SLC38A2: variants seen among roughly 807,000 people sequenced by gnomAD.
The protein encoded by SLC38A2 is solute carrier family 38 member 2.
A neutral mutation model predicts 61.5 loss-of-function variants in SLC38A2; 11 were observed. The observed-to-expected ratio is 0.18, with a 90% CI of 0.11 to 0.30. SLC38A2 has a LOEUF of 0.30. Among genes scored for constraint, SLC38A2 ranks in the 10% least tolerant of loss-of-function variants. The probability of loss-of-function intolerance (pLI) is 1.00; values close to 1 mark genes in which losing one functional copy is unlikely to be tolerated. For missense variants in SLC38A2, 522 were observed against 600.4 expected, an observed-to-expected ratio of 0.87 and a Z score of 1.36; for synonymous variants, 217 against 212.5, an observed-to-expected ratio of 1.02 and a Z score of -0.18.
rs746716174 is a variant in SLC38A2, at chr12:46,362,294, T to G, written c.1412A>C (p.Gln471Pro). The change falls in exon 15 of 16, where the codon CAA becomes CCA. Residue 471 changes from glutamine (Q) to proline (P), a missense_variant. Transcript: ENST00000256689. ...LVKKEPMKSV[Q>P]KIGALFFLLS... ...TAATCTTTCACTCACCCCAATCTTT[T>G]GTACAGATTTCATAGGTTCTTTCTT... The G allele has an allele frequency of 1.9e-6, 3 of 1,607,654 alleles. No individual in the cohort carries two copies. In the Admixed American group the frequency reaches 5.1e-5, roughly 27 times the overall value.
rs1943147354 is a variant in SLC38A2, at chr12:46,367,157, A to G, written c.400T>C (p.Tyr134His). ...AATGCCTTATATCCCAATTGTTCAT[A>G]TAATAAAGACCCTACAATTTGAAGA... ...KTANEGGSLL[Y>H]EQLGYKAFGL... Residue 134 changes from tyrosine to histidine, a missense_variant, in exon 6 of 16, where the codon TAT (tyrosine) becomes CAT (histidine). Physicochemically the swap from Tyr to His is moderately conservative, Grantham distance 83 (BLOSUM62 2). This residue lies in a region of SLC38A2 where 111 missense variants were observed against 173.4 expected (regional missense o/e 0.64). Coordinates refer to ENST00000256689, the MANE Select transcript of SLC38A2 (RefSeq NM_018976.5). 1 of 1,613,460 alleles carries G rather than the reference A, an allele frequency of 6.2e-7. No homozygotes were observed. Among genetic ancestry groups the G allele is most frequent in the Admixed American group, 1.7e-5 (1 of 59,998 alleles).
Position 46,368,575 on chromosome 12 carries a change from C to T in SLC38A2, c.315-1235G>A, listed in dbSNP as rs79075937. On this transcript the variant is annotated intron_variant, in intron 4 of 15. Transcript: ENST00000256689. The stretch of plus-strand genomic sequence containing the variant: ...ACAGGGAAACTCATAGAAAACCTTG[C>T]AAAGGAGAAGAGTTACATGTTTTTT... Among the ~76,000 whole-genome samples, 755 of 152,218 alleles carry T rather than the reference C, an allele frequency of 5.0e-3. 9 individuals are homozygous for T. The highest frequency in any genetic ancestry group is 0.017 in the African/African-American group (725 of 41,522).
chr12:46,369,900 A>G (rs1348956892), intron 4 of SLC38A2, among the ~76,000 whole-genome samples: 1 of 152,158 alleles, frequency 6.6e-6, no homozygotes, highest in Non-Finnish European at 1.5e-5. Flanking sequence ...AGTACTTACT[A>G]AAGTATTCAT....
At chr12:46,366,216 C>T (rs1008162057) in intron 7 of SLC38A2, among the ~76,000 whole-genome samples, 3 of 152,088 alleles carry the variant, frequency 2.0e-5, no homozygotes, top group Non-Finnish European at 2.9e-5. Context: ...TGCTTGGGAC[C>T]GAAGTGTTTT....
At chr12:46,370,454 A>G in intron 4 of SLC38A2, 58 bp downstream of exon 4, 9 of 1,306,594 alleles carry the variant, frequency 6.9e-6, no homozygotes, top group South Asian at 2.4e-5. Context: ...TGGAGCCAAA[A>G]TATGTTTTAC....
chr12:46,371,028 T>C lies in SLC38A2; in HGVS notation c.116+150A>G, dbSNP rs540220209. The C allele has an allele frequency of 2.4e-5, 20 of 847,064 alleles. No homozygotes were observed. In the African/African-American group the frequency reaches 3.3e-4, roughly 14 times the overall value. 52.5% of individuals were successfully genotyped at this position (847,064 alleles called of 1,614,324 possible). A position where few individuals can be genotyped will look rare whatever the true frequency, so the allele number is the denominator to read the frequency against. On this transcript the variant is annotated intron_variant, in intron 2 of 15. Transcript: ENST00000256689. The stretch of plus-strand genomic sequence containing the variant: ...GACTTTCACACCAGCTATCTTGTCA[T>C]TACAACAAGATAATCGGATACTCTT...
intron 1 of SLC38A2, 124 bp from the exon 2 acceptor site, chr12:46,371,503 G>A: frequency 1.9e-6 from 1 of 529,086 alleles, no homozygotes; most frequent in Admixed American, 3.7e-5. Context: ...TACCAGCCGC[G>A]CGCGAGGGGC....
In SLC38A2 at chr12:46,364,647, A is replaced by G. The variant is rs766547556; in HGVS notation, c.702T>C (p.Ile234=). 8.7e-6 allele frequency: 14 copies of G among 1,608,284 alleles called. No homozygotes were observed. The highest frequency in any genetic ancestry group is 5.6e-5 in the South Asian group (5 of 89,044). ...LSLLCMVFFL[I]VVICKKFQVP... ...CTAAAAAAAAAATCATACCCACCAC[A>G]ATCAGAAAGAACACCATACACAACA... Residue 234 remains isoleucine (I), a synonymous_variant, in exon 9 of 16, where the codon ATT becomes ATC. Coordinates refer to ENST00000256689, the MANE Select transcript of SLC38A2 (RefSeq NM_018976.5).
intron 4 of SLC38A2, among the ~76,000 whole-genome samples, chr12:46,369,556 T>TA (rs1243295193): frequency 2.7e-4 from 41 of 152,344 alleles, no homozygotes; most frequent in Non-Finnish European, 5.0e-4. Flanking sequence ...TATGGTTTCC[T>TA]TATCTGTACA....
chr12:46,364,756 C>A, intron 8 of SLC38A2, 54 bp from the exon 9 acceptor site: 2 of 1,533,602 alleles, frequency 1.3e-6, no homozygotes, highest in Admixed American at 1.9e-5. Flanking sequence ...AGATTTAAGG[C>A]AAATATCTTT....
chr12:46,363,219 T>C (rs1457736170), intron 12 of SLC38A2, 74 bp from the exon 13 acceptor site: 1 of 1,517,632 alleles, frequency 6.6e-7, no homozygotes, highest in Non-Finnish European at 9.0e-7. Context: ...AACAGCAAAA[T>C]GTGCACCAGT....
rs199956262 is a variant in SLC38A2 at position 46,363,855 on chromosome 12, T to C, written c.954-29A>G. 1,807 of 1,590,942 alleles carry C rather than the reference T, an allele frequency of 1.1e-3. 4 individuals carry two copies. Among genetic ancestry groups the C allele is most frequent in the Non-Finnish European group, 1.4e-3 (1,646 of 1,170,258 alleles). On this transcript the variant is annotated intron_variant, in intron 11 of 15. Coordinates refer to ENST00000256689, the MANE Select transcript of SLC38A2 (RefSeq NM_018976.5). ...TGTAATTCAAGAGAAAATTCAAATA[T>C]ATATTTCAGCAGCAGTTACAGCAAT...
chr12:46,371,206 A>G lies in SLC38A2; in HGVS notation c.88T>C (p.Tyr30His), dbSNP rs1359397865. The change falls in exon 2 of 16, where the codon TAC becomes CAC. Residue 30 changes from tyrosine (Y) to histidine (H), a missense_variant. Physicochemically the swap from Tyr to His is moderately conservative, Grantham distance 83 (BLOSUM62 2). Coordinates refer to ENST00000256689, the MANE Select transcript of SLC38A2 (RefSeq NM_018976.5). ...TTCAGAGCAGCTTGCTTGGTGGGGT[A>G]GGAGTAGTTGAAGTCGCTGTTGGAA... ...YSSNSDFNYS[Y>H]PTKQAALKSH... 2 of 1,614,070 alleles carry G rather than the reference A, an allele frequency of 1.2e-6. No homozygotes were observed. Among genetic ancestry groups the G allele is most frequent in the Non-Finnish European group, 1.7e-6 (2 of 1,179,988 alleles).
chr12:46,362,751 A>C (rs1161302699), intron 13 of SLC38A2, 113 bp from the exon 14 acceptor site: 3 of 188,388 alleles, frequency 1.6e-5, no homozygotes, highest in African/African-American at 2.1e-4. Flanking sequence ...TATCCAAAAT[A>C]GTAACTATTT....
chr12:46,361,050 GT>G lies in SLC38A2; in HGVS notation c.*60del. 1 of 1,251,104 alleles carries G rather than the reference GT, an allele frequency of 8.0e-7. No individual in the cohort carries two copies. Among genetic ancestry groups the G allele is most frequent in the South Asian group, 1.3e-5 (1 of 79,634 alleles). 77.5% of individuals were successfully genotyped at this position (1,251,104 alleles called of 1,614,324 possible). A position where few individuals can be genotyped will look rare whatever the true frequency, so the allele number is the denominator to read the frequency against. On this transcript the variant is annotated 3_prime_UTR_variant, in exon 16 of 16. Coordinates refer to ENST00000256689, the MANE Select transcript of SLC38A2 (RefSeq NM_018976.5). The stretch of plus-strand genomic sequence containing the variant: ...TGAAAACATTAGGTGAAATTTCATA[GT>G]AGTTGAGTTTACTCAACACTGGCAT...
chr12:46,360,973 T>TCTGCA lies in SLC38A2; in HGVS notation c.*133_*137dup. 2 of 641,596 alleles carry TCTGCA rather than the reference T, an allele frequency of 3.1e-6. No individual in the cohort carries two copies. The allele number at this position is 641,596 out of a possible 1,614,324, so 39.7% of individuals were successfully genotyped here. A position where few individuals can be genotyped will look rare whatever the true frequency, so the allele number is the denominator to read the frequency against. ...AAACAAAACAAAAAAGTTCACTTAT[T>TCTGCA]CTGCACTCAGAAGAACCAGCGAGGA... On this transcript the variant is annotated 3_prime_UTR_variant, in exon 16 of 16. Coordinates refer to ENST00000256689, the MANE Select transcript of SLC38A2 (RefSeq NM_018976.5).
In SLC38A2 at chr12:46,363,928, T is replaced by C. The variant is rs1420590773; in HGVS notation, c.949A>G (p.Lys317Glu). 4 of 1,611,224 alleles carry C rather than the reference T, an allele frequency of 2.5e-6. No homozygotes were observed. The African/African-American group carries it at 4.0e-5, about 16-fold the overall frequency. The change falls in exon 11 of 16, where the codon AAA (lysine) becomes GAA (glutamate). Residue 317 changes from lysine to glutamate, a missense_variant. By Grantham distance (56) the Lys-to-Glu change is moderately conservative. Coordinates refer to ENST00000256689, the MANE Select transcript of SLC38A2 (RefSeq NM_018976.5). ...PAVLPIYEELKDRSRRRMMNV... is the reference protein window; with the variant it reads ...PAVLPIYEELEDRSRRRMMNV... Reference sequence around the variant, plus strand: ...ATGTAAAAATGAAATACTCACTCTTTCAGTTCTTCATAGATGGGAAGAACA... The same window carrying C: ...ATGTAAAAATGAAATACTCACTCTTCCAGTTCTTCATAGATGGGAAGAACA...
rs1565826930 is a variant in SLC38A2, at chr12:46,362,351, A to G, written c.1355T>C (p.Ile452Thr). 3 of 1,612,250 alleles carry G rather than the reference A, an allele frequency of 1.9e-6. No individual in the cohort carries two copies. Among genetic ancestry groups the G allele is most frequent in the South Asian group, 2.2e-5 (2 of 90,762 alleles). The change falls in exon 15 of 16, where the codon ATT becomes ACT. Residue 452 changes from isoleucine to threonine, a missense_variant. Coordinates refer to ENST00000256689, the MANE Select transcript of SLC38A2 (RefSeq NM_018976.5). ...CTTGATATAGAAGGCAGAAGGAAGA[A>G]TAAAAATCAACATAGAAGCTGCAGA... The part of the protein sequence containing the change: ...GASAASMLIF[I>T]LPSAFYIKLV...
chr12:46,371,474 G>T lies in SLC38A2; in HGVS notation c.-86-95C>A, dbSNP rs532245592. On this transcript the variant is annotated intron_variant, in intron 1 of 15. Transcript: ENST00000256689. ...GGCGCAGCGCGGCTGATTCATCCCAGGCCAGGCGAGTGGAAAAGTACCAGC... is the reference window on the plus strand; with the variant it reads ...GGCGCAGCGCGGCTGATTCATCCCATGCCAGGCGAGTGGAAAAGTACCAGC... The T allele has an allele frequency of 1.2e-4, 66 of 571,964 alleles. No individual in the cohort carries two copies. In the African/African-American group the frequency reaches 1.2e-3, roughly 11 times the overall value. 35.4% of individuals were successfully genotyped at this position (571,964 alleles called of 1,614,324 possible).
Sources: gnomAD v4.1 joint callset for allele counts (sites outside exome capture counted in the v4.1 genomes callset) on GRCh38, gnomAD v4.1.1 for gene constraint, gnomAD v4.1.1 regional missense constraint, MANE v1.5 for transcripts, NCBI Gene and HGNC (gene_info 2026-07-23, HGNC 2026-07-21) for gene names.